The following SLC25A36 variants were observed in gnomAD, a reference collection of about 807,000 sequenced individuals.
SLC25A36 encodes epididymis secretory sperm binding protein.
Under a neutral mutation model 35.3 loss-of-function variants are expected in SLC25A36, and 24 were observed. The ratio of observed to expected loss-of-function variants is 0.68; its 90% CI spans 0.49 to 0.96. SLC25A36 has a LOEUF of 0.96. SLC25A36 is among the 40% of genes least tolerant of loss of function. SLC25A36 has a pLI of 0.00. For synonymous variants in SLC25A36, 141 were observed against 132.2 expected (o/e 1.07, Z -0.46); for missense variants, 294 against 381.1 (o/e 0.77, Z 1.90).
intron 2 of SLC25A36, 49 bp from the exon 3 acceptor site, chr3:140,959,414 A>C (rs765034728): frequency 1.0e-6 from 1 of 982,200 alleles, no homozygotes; most frequent in Non-Finnish European, 1.5e-6. Context: ...TAAATAAAGT[A>C]CCAGACTTTG....
At chr3:140,945,796 C>A (rs570361462) in intron 1 of SLC25A36, among the ~76,000 whole-genome samples, 2 of 148,198 alleles carry the variant, frequency 1.3e-5, no homozygotes, top group African/African-American at 2.5e-5. Context: ...AGTAAAAATA[C>A]TAATTTTATT....
At position 140,978,664 on chromosome 3, in the gene SLC25A36, T is replaced by C. The variant is rs886773591; in HGVS notation, c.*2211T>C. The C allele has an allele frequency of 1.1e-4, 17 of 152,210 alleles. No individual in the cohort carries two copies. The highest frequency in any genetic ancestry group is 3.6e-4 in the African/African-American group (15 of 41,460). 9.4% of individuals were successfully genotyped at this position (152,210 alleles called of 1,614,324 possible). A position where few individuals can be genotyped will look rare whatever the true frequency, so the allele number is the denominator to read the frequency against. Reference sequence around the variant, plus strand: ...GTGCATTATATTCAGCTTTTAACAGTATTATGTATGTACTGGAAAGCAAAG... The same window carrying C: ...GTGCATTATATTCAGCTTTTAACAGCATTATGTATGTACTGGAAAGCAAAG... On this transcript the variant is annotated 3_prime_UTR_variant, in exon 7 of 7. Coordinates refer to ENST00000324194, the MANE Select transcript of SLC25A36 (RefSeq NM_001104647.3).
intron 1 of SLC25A36, among the ~76,000 whole-genome samples, chr3:140,943,073 C>T (rs113659650): frequency 3.2e-4 from 48 of 152,134 alleles, no homozygotes; most frequent in African/African-American, 1.1e-3. Context: ...TCCAGTTTAG[C>T]CTCCTGTTTA....
intron 1 of SLC25A36, among the ~76,000 whole-genome samples, chr3:140,947,954 AATT>A (rs1306482764): frequency 9.9e-5 from 15 of 151,352 alleles, no homozygotes; most frequent in Middle Eastern, 3.4e-3. Context: ...TGGTTTTTTT[AATT>A]ATTATTATTT....
chr3:140,956,794 A>C (rs1258507504), intron 2 of SLC25A36, 103 bp downstream of exon 2: 2 of 1,441,470 alleles, frequency 1.4e-6, no homozygotes, highest in Non-Finnish European at 1.8e-6. Context: ...ATTTTTTATA[A>C]ACCTATTTAC....
chr3:140,956,506 C>CTTT (rs75174363), intron 1 of SLC25A36, 21 bp from the exon 2 acceptor site: 121 of 1,424,794 alleles, frequency 8.5e-5, no homozygotes, highest in East Asian at 8.3e-4. Flanking sequence ...AAGCTGTGTT[C>CTTT]TTTTTTTTTT....
chr3:140,964,750 G>T (rs1193092231), intron 4 of SLC25A36: 1 of 151,872 alleles, frequency 6.6e-6, no homozygotes, highest in East Asian at 1.9e-4. Flanking sequence ...TAGAAAGTTA[G>T]ATGAGCAGTC....
intron 4 of SLC25A36, chr3:140,965,846 T>C (rs1934744508): frequency 6.6e-6 from 1 of 151,864 alleles, no homozygotes; most frequent in African/African-American, 2.4e-5. Context: ...TTTTGTTGCC[T>C]GTATATTTTG....
chr3:140,975,168 C>G (rs1935010400), intron 6 of SLC25A36, among the ~76,000 whole-genome samples: 1 of 122,586 alleles, frequency 8.2e-6, no homozygotes, highest in Admixed American at 1.1e-4. Flanking sequence ...AGTGCAGTCA[C>G]ATGATCATAG....
chr3:140,942,157 AG>A, intron 1 of SLC25A36, 62 bp downstream of exon 1: 1 of 98,246 alleles, frequency 1.0e-5, no homozygotes. Context: ...GACGCAGGCG[AG>A]GGGGGCGAGG....
At chr3:140,968,447 A>G (rs1204874395) in intron 4 of SLC25A36, 4 of 983,460 alleles carry the variant, frequency 4.1e-6, no homozygotes, top group Non-Finnish European at 4.8e-6. Flanking sequence ...ATAAGATAAC[A>G]TTCTCTCACT....
rs1421286296 is a variant in SLC25A36 at position 140,942,114 on chromosome 3, G to C, written c.41+19G>C. The C allele has an allele frequency of 7.5e-7, 1 of 1,340,748 alleles. No homozygotes were observed. The highest frequency in any genetic ancestry group is 1.4e-5 in the South Asian group (1 of 73,286). 83.1% of individuals were successfully genotyped at this position (1,340,748 alleles called of 1,614,324 possible). ...CCGGAGGGTAAGGTCCTGGCGGGGC[G>C]TGCGCACTGGGGCTGAGGGTGCTGG... is the stretch of plus-strand genomic sequence containing the variant. On this transcript the variant is annotated intron_variant, in intron 1 of 6. Coordinates refer to ENST00000324194, the MANE Select transcript of SLC25A36 (RefSeq NM_001104647.3).
intron 2 of SLC25A36, among the ~76,000 whole-genome samples, chr3:140,958,960 TTGTGTGTG>T (rs377492880): frequency 0.036 from 4,073 of 112,520 alleles, 83 homozygotes; most frequent in East Asian, 0.1. Context: ...AAACAATGTT[TTGTGTGTG>T]TGTGTGTGTG....
At chr3:140,975,323 G>A (rs543927326) in intron 6 of SLC25A36, among the ~76,000 whole-genome samples, 296 of 151,728 alleles carry the variant, frequency 2.0e-3, no homozygotes, top group Non-Finnish European at 3.3e-3. Context: ...CCCCAGGCTG[G>A]TCTCAAACTC....
chr3:140,965,336 T>C (rs886433804), intron 4 of SLC25A36: 1 of 151,738 alleles, frequency 6.6e-6, no homozygotes, highest in Admixed American at 6.6e-5. Flanking sequence ...TATGAAGTAC[T>C]TAAAGATAGT....
In SLC25A36 at chr3:140,976,599, A is replaced by G; in HGVS notation, c.*146A>G. The stretch of plus-strand genomic sequence containing the variant: ...GTGGAAGTTTTGTTGTAGGAATTAT[A>G]GTAATCACACCACATTACTTGGCCT... On this transcript the variant is annotated 3_prime_UTR_variant, in exon 7 of 7. Transcript: ENST00000324194. The G allele has an allele frequency of 1.8e-6, 1 of 557,100 alleles. No individual in the cohort carries two copies. Among genetic ancestry groups the G allele is most frequent in the South Asian group, 4.0e-5 (1 of 24,908 alleles). The allele number at this position is 557,100 out of a possible 1,614,324, so 34.5% of individuals were successfully genotyped here.
intron 1 of SLC25A36, among the ~76,000 whole-genome samples, chr3:140,943,175 C>T (rs1231170542): frequency 1.3e-5 from 2 of 152,272 alleles, no homozygotes; most frequent in East Asian, 1.9e-4. Context: ...TCAAAAATGC[C>T]TTCGGTGAAT....
At position 140,973,713 on chromosome 3, in the gene SLC25A36, C is replaced by G. The variant is rs935285800; in HGVS notation, c.453-3C>G. The G allele has an allele frequency of 6.9e-7, 1 of 1,441,246 alleles. No homozygotes were observed. The highest frequency in any genetic ancestry group is 9.2e-7 in the Non-Finnish European group (1 of 1,088,028). 89.3% of individuals were successfully genotyped at this position (1,441,246 alleles called of 1,614,324 possible). A position where few individuals can be genotyped will look rare whatever the true frequency, so the allele number is the denominator to read the frequency against. ...CAGTAAGATGTTTCTTTTTGCTTTT[C>G]AGGAACCGCGGGGAAAGGCGAATGG... On this transcript the variant is annotated splice_polypyrimidine_tract_variant and splice_region_variant and intron_variant, in intron 5 of 6. Coordinates refer to ENST00000324194, the MANE Select transcript of SLC25A36 (RefSeq NM_001104647.3).
chr3:140,956,060 A>G (rs1336028660), intron 1 of SLC25A36, among the ~76,000 whole-genome samples: 1 of 152,222 alleles, frequency 6.6e-6, no homozygotes, highest in Admixed American at 6.5e-5. Flanking sequence ...AGAACTATGT[A>G]TGGTTAACTA....
Sources: gnomAD v4.1 joint callset for allele counts (sites outside exome capture counted in the v4.1 genomes callset) on GRCh38, gnomAD v4.1.1 for gene constraint, MANE v1.5 for transcripts, NCBI Gene and HGNC (gene_info 2026-07-23, HGNC 2026-07-21) for gene names.